Variants in TLL1 observed in about 807,000 individuals in gnomAD.
The protein encoded by TLL1 is tolloid like 1, also known as tolloid-like protein 1.
A neutral mutation model predicts 128.2 loss-of-function variants in TLL1; 49 were observed. The ratio of observed to expected loss-of-function variants is 0.38; its 90% confidence interval spans 0.30 to 0.48. The LOEUF (loss-of-function observed/expected upper bound fraction) is 0.48, where lower values mean the gene tolerates loss of function less well. Ranked by LOEUF, TLL1 falls within the 20% of genes least tolerant of loss-of-function variation. The probability of loss-of-function intolerance (pLI) is 0.96; values close to 1 mark genes in which losing one functional copy is unlikely to be tolerated. For synonymous variants in TLL1, 454 were observed against 418.8 expected, an observed-to-expected ratio of 1.08 and a Z score of -1.03; for missense variants, 1,123 against 1,242.0, an observed-to-expected ratio of 0.90 and a Z score of 1.44.
chr4:166,025,332 A>G lies in TLL1; in HGVS notation c.1059A>G (p.Leu353=), dbSNP rs768364045. The G allele has an allele frequency of 1.1e-5, 17 of 1,613,080 alleles. No homozygotes were observed. The highest frequency in any genetic ancestry group is 1.6e-4 in the Middle Eastern group (1 of 6,080). ...LYRCPACGET[L]QESNGNLSSP... ...TCCTTTCAGCATGTGGAGAAACTCT[A>G]CAAGAATCCAATGGCAACCTTTCCT... The change falls in exon 9 of 21, where the codon CTA becomes CTG. Residue 353 remains leucine, a synonymous_variant. Transcript: ENST00000061240.
chr4:165,913,159 T>C (rs1732617949), intron 1 of TLL1, among the ~76,000 whole-genome samples: 1 of 152,222 alleles, frequency 6.6e-6, no homozygotes, highest in African/African-American at 2.4e-5. Context: ...AAAACTCCCT[T>C]AGTACATGAT....
intron 16 of TLL1, among the ~76,000 whole-genome samples, chr4:166,067,780 G>T (rs1023971569): frequency 2.6e-5 from 4 of 151,692 alleles, no homozygotes; most frequent in Non-Finnish European, 2.9e-5. Flanking sequence ...TGAAGTTCAT[G>T]AAGAAATTAA....
In TLL1 at chr4:166,014,506, A is replaced by T; in HGVS notation, c.988A>T (p.Thr330Ser). Residue 330 changes from threonine to serine, a missense_variant, in exon 8 of 21, where the codon ACC (threonine) becomes TCC (serine). By Grantham distance (58) the Thr-to-Ser change is moderately conservative (BLOSUM62 1). Coordinates refer to ENST00000061240, the MANE Select transcript of TLL1 (RefSeq NM_012464.5). ...NGIRPAIGQR[T>S]RLSKGDIAQA... Reference sequence around the variant, plus strand: ...CATACGTCCTGCAATTGGTCAGCGAACCCGTCTAAGCAAAGGAGATATCGC... The same window carrying T: ...CATACGTCCTGCAATTGGTCAGCGATCCCGTCTAAGCAAAGGAGATATCGC... 6.2e-7 allele frequency: 1 copy of T among 1,612,478 alleles called. No individual in the cohort carries two copies. The highest frequency in any genetic ancestry group is 1.1e-5 in the South Asian group (1 of 91,058).
rs185654887 is a variant in TLL1, at chr4:166,065,673, T to G, written c.2008-10T>G. On this transcript the variant is annotated splice_polypyrimidine_tract_variant and intron_variant, in intron 15 of 20. Transcript: ENST00000061240. ...CAAATCTGGCAACTGATAACCACAT[T>G]TTTTTCTAGGTTTGCAAATATGATT... The G allele has an allele frequency of 1.7e-4, 280 of 1,612,614 alleles. 1 individual carries two copies. The African/African-American group carries it at 3.4e-3, about 19-fold the overall frequency.
chr4:165,898,692 A>AT (rs763361293), intron 1 of TLL1, among the ~76,000 whole-genome samples: 4 of 151,522 alleles, frequency 2.6e-5, no homozygotes, highest in South Asian at 2.1e-4. Flanking sequence ...GAATTTTTCC[A>AT]TTTTTTTGTG....
At chr4:166,042,505 T>A (rs940432421) in intron 11 of TLL1, among the ~76,000 whole-genome samples, 1 of 152,214 alleles carries the variant, frequency 6.6e-6, no homozygotes, top group African/African-American at 2.4e-5. Context: ...CCCGAAATAC[T>A]TTTTATTAGA....
At chr4:165,976,218 A>G (rs1479379911) in intron 1 of TLL1, among the ~76,000 whole-genome samples, 2 of 152,138 alleles carry the variant, frequency 1.3e-5, no homozygotes, top group African/African-American at 2.4e-5. Context: ...GAAATGCAAG[A>G]GATCTATTGG....
chr4:166,080,361 A>C (rs1269456519), intron 18 of TLL1, among the ~76,000 whole-genome samples: 1 of 152,146 alleles, frequency 6.6e-6, no homozygotes, highest in African/African-American at 2.4e-5. Flanking sequence ...CTTCAACATT[A>C]ATTTTAGAAA....
intron 20 of TLL1, 53 bp from the exon 21 acceptor site, chr4:166,100,689 A>T: frequency 6.2e-7 from 1 of 1,608,940 alleles, no homozygotes; most frequent in Non-Finnish European, 8.5e-7. Flanking sequence ...CTGAAGAAAA[A>T]GTGATTCGTT....
chr4:165,973,442 T>G (rs1053360873), intron 1 of TLL1, among the ~76,000 whole-genome samples: 3 of 152,052 alleles, frequency 2.0e-5, no homozygotes, highest in African/African-American at 7.2e-5. Context: ...GAGTATTCTC[T>G]GGGCTACAAG....
intron 12 of TLL1, among the ~76,000 whole-genome samples, chr4:166,045,828 C>T (rs1330023289): frequency 2.0e-5 from 3 of 152,122 alleles, no homozygotes; most frequent in Admixed American, 1.3e-4. Flanking sequence ...TTTGCTTTTA[C>T]TCTCCTATTA....
chr4:166,090,201 C>T (rs1741695594), intron 18 of TLL1, among the ~76,000 whole-genome samples: 1 of 24,082 alleles, frequency 4.2e-5, no homozygotes, highest in South Asian at 2.3e-3. Context: ...TAGTTTTCTT[C>T]TATAGACTTA....
At chr4:166,007,364 C>T (rs1324485654) in intron 6 of TLL1, among the ~76,000 whole-genome samples, 1 of 151,658 alleles carries the variant, frequency 6.6e-6, no homozygotes, top group African/African-American at 2.4e-5. Flanking sequence ...GGAGAACTGC[C>T]TTTTCATCAA....
In TLL1 at chr4:166,078,044, T is replaced by A. The variant is rs185827455; in HGVS notation, c.2442+14T>A. ...CGAATCAAATTAGTAAGTGAGCACA[T>A]CCTTTTTCTTTCCATTAAGCTGACT... is the stretch of plus-strand genomic sequence containing the variant. On this transcript the variant is annotated intron_variant, in intron 18 of 20. Coordinates refer to ENST00000061240, the MANE Select transcript of TLL1 (RefSeq NM_012464.5). 26 of 1,613,110 alleles carry A rather than the reference T, an allele frequency of 1.6e-5. No homozygotes were observed. The East Asian group carries it at 5.1e-4, about 32-fold the overall frequency.
intron 1 of TLL1, among the ~76,000 whole-genome samples, chr4:165,925,854 T>G (rs746177015): frequency 6.6e-6 from 1 of 152,206 alleles, no homozygotes; most frequent in South Asian, 2.1e-4. Context: ...TGAACACTGA[T>G]GCAGGACCCT....
At chr4:165,939,404 A>G (rs1335339489) in intron 1 of TLL1, among the ~76,000 whole-genome samples, 1 of 152,092 alleles carries the variant, frequency 6.6e-6, no homozygotes, top group Non-Finnish European at 1.5e-5. Flanking sequence ...TAGTGTTCCT[A>G]TATCTTGCAT....
chr4:165,971,671 T>C (rs565265123), intron 1 of TLL1, among the ~76,000 whole-genome samples: 1 of 152,314 alleles, frequency 6.6e-6, no homozygotes, highest in South Asian at 2.1e-4. Context: ...CTGGGAGAGC[T>C]TGCTTTTCCC....
At chr4:166,096,348 C>T (rs1173455206) in intron 19 of TLL1, among the ~76,000 whole-genome samples, 9 of 147,888 alleles carry the variant, frequency 6.1e-5, no homozygotes, top group East Asian at 2.0e-4. Flanking sequence ...AAACCGGGGG[C>T]GGGGGGAACT....
rs551040229 is a variant in TLL1, at chr4:166,069,054, A to G, written c.2188+3191A>G. On this transcript the variant is annotated intron_variant, in intron 16 of 20. Transcript: ENST00000061240. ...TTAATTTAAATATAAAAATAAATAT[A>G]AAAGAAAAAACTCCTATCATGTTTC... Among the ~76,000 whole-genome samples, 435 of 151,866 alleles carry G rather than the reference A, an allele frequency of 2.9e-3. 2 individuals are homozygous for G. The highest frequency in any genetic ancestry group is 9.7e-3 in the African/African-American group (404 of 41,518).
Sources: allele counts gnomAD v4.1 joint callset (sites outside exome capture counted in the v4.1 genomes callset), GRCh38; gene constraint gnomAD v4.1.1; transcripts MANE v1.5; gene names NCBI Gene and HGNC (gene_info 2026-07-23, HGNC 2026-07-21).